The following NTN1 variants were observed in gnomAD, a reference collection of about 807,000 sequenced individuals.
NTN1 encodes netrin 1.
A neutral mutation model predicts 54.2 loss-of-function variants in NTN1; 11 were observed. The ratio of observed to expected loss-of-function variants is 0.20; its 90% CI spans 0.13 to 0.34. NTN1 has a LOEUF of 0.34. Ranked by LOEUF, NTN1 falls within the 10% of genes least tolerant of loss-of-function variation. The probability of loss-of-function intolerance (pLI) is 1.00; values close to 1 mark genes in which losing one functional copy is unlikely to be tolerated. For missense variants in NTN1, 740 were observed against 893.1 expected (o/e 0.83, Z 2.18); for synonymous variants, 371 against 382.0 (o/e 0.97, Z 0.33).
At chr17:9,028,868 T>C (rs766752566) in intron 2 of NTN1, among the ~76,000 whole-genome samples, 3 of 152,220 alleles carry the variant, frequency 2.0e-5, no homozygotes, top group Non-Finnish European at 4.4e-5. Flanking sequence ...AATGGCTCTC[T>C]AGGGAACTGG....
At chr17:9,204,932 T>C (rs1326227881) in intron 5 of NTN1, among the ~76,000 whole-genome samples, 1 of 151,860 alleles carries the variant, frequency 6.6e-6, no homozygotes, top group Non-Finnish European at 1.5e-5. Flanking sequence ...ACCCTCATTT[T>C]TTTTTTTTTC....
At chr17:9,098,027 A>G (rs182831879) in intron 2 of NTN1, among the ~76,000 whole-genome samples, 1 of 152,134 alleles carries the variant, frequency 6.6e-6, no homozygotes, top group Admixed American at 6.6e-5. Flanking sequence ...TAGGTTCTGA[A>G]TGAAGATCAG....
intron 6 of NTN1, among the ~76,000 whole-genome samples, chr17:9,226,136 C>T (rs1004762897): frequency 2.4e-5 from 3 of 127,456 alleles, no homozygotes; most frequent in African/African-American, 6.1e-5. Flanking sequence ...CTTAAGGGCA[C>T]GAAGCAAGGC....
chr17:9,056,699 A>G (rs1398843842), intron 2 of NTN1, among the ~76,000 whole-genome samples: 3 of 152,148 alleles, frequency 2.0e-5, no homozygotes, highest in African/African-American at 7.2e-5. Context: ...AGCACCGTCC[A>G]GAATGAGGCC....
Position 9,239,459 on chromosome 17 carries a change from C to A in NTN1, c.1487-181C>A, listed in dbSNP as rs566788673. On this transcript the variant is annotated intron_variant, in intron 6 of 6. Coordinates refer to ENST00000173229, the MANE Select transcript of NTN1 (RefSeq NM_004822.3). The surrounding 1 kb of genome is among the most constrained non-coding windows in gnomAD (Gnocchi z 5.2). Reference sequence around the variant, plus strand: ...CAGCGTGGGAGGCAAGGCTTCTTGGCCCTGTTGTTAGCAGGTGGGGGTCTA... The same window carrying A: ...CAGCGTGGGAGGCAAGGCTTCTTGGACCTGTTGTTAGCAGGTGGGGGTCTA... 5.9e-5 allele frequency among the ~76,000 whole-genome samples: 9 copies of A among 152,166 alleles called. No individual in the cohort carries two copies. The highest frequency in any genetic ancestry group is 1.3e-4 in the Admixed American group (2 of 15,282).
intron 2 of NTN1, among the ~76,000 whole-genome samples, chr17:9,026,192 C>T (rs932139006): frequency 6.6e-6 from 1 of 152,046 alleles, no homozygotes; most frequent in Non-Finnish European, 1.5e-5. Context: ...TACCAATTTA[C>T]CAATATTATC....
chr17:9,198,918 G>A (rs1421344410), intron 5 of NTN1, among the ~76,000 whole-genome samples: 1 of 152,158 alleles, frequency 6.6e-6, no homozygotes, highest in Non-Finnish European at 1.5e-5. Context: ...AGGCACCATT[G>A]AGCTCCATTC....
the NTN1 span, among the ~76,000 whole-genome samples, chr17:9,007,688 CT>C: frequency 4.2e-5 from 6 of 141,724 alleles, no homozygotes; most frequent in East Asian, 1.2e-3. Flanking sequence ...TCCTTTCTTC[CT>C]TCCTTCCTTT....
intron 2 of NTN1, among the ~76,000 whole-genome samples, chr17:9,133,871 A>G (rs1379749765): frequency 8.3e-6 from 1 of 120,110 alleles, no homozygotes; most frequent in African/African-American, 3.3e-5. Context: ...AAGTGCTGAG[A>G]TTACAGGCAT....
chr17:9,127,986 A>ATG (rs2092252892), intron 2 of NTN1, among the ~76,000 whole-genome samples: 1 of 150,566 alleles, frequency 6.6e-6, no homozygotes, highest in Non-Finnish European at 1.5e-5. Context: ...GCATGGTGGC[A>ATG]CACGCCTGTA....
chr17:9,236,967 T>C (rs1906012096), intron 6 of NTN1, among the ~76,000 whole-genome samples: 1 of 152,156 alleles, frequency 6.6e-6, no homozygotes, highest in Non-Finnish European at 1.5e-5. Flanking sequence ...GGGAGGCCTC[T>C]GCAGGAAGTC....
At chr17:9,090,293 A>G (rs947126491) in intron 2 of NTN1, among the ~76,000 whole-genome samples, 6 of 151,404 alleles carry the variant, frequency 4.0e-5, no homozygotes, top group Admixed American at 1.3e-4. Context: ...GTCTTGCCTC[A>G]GCCTCCCAAG....
chr17:9,108,294 G>A (rs2092175088), intron 2 of NTN1, among the ~76,000 whole-genome samples: 1 of 152,186 alleles, frequency 6.6e-6, no homozygotes, highest in African/African-American at 2.4e-5. Flanking sequence ...CGGTGGGGAT[G>A]TTATCATGCA....
chr17:9,114,296 G>T (rs1252964977), intron 2 of NTN1, among the ~76,000 whole-genome samples: 1 of 150,192 alleles, frequency 6.7e-6, no homozygotes, highest in Non-Finnish European at 1.5e-5. Context: ...TAAAAAATGT[G>T]CATATGCTTA....
At chr17:9,140,575 A>G (rs868656322) in intron 2 of NTN1, among the ~76,000 whole-genome samples, 2 of 152,122 alleles carry the variant, frequency 1.3e-5, no homozygotes, top group Admixed American at 6.6e-5. Context: ...AGCTTGTGGG[A>G]CTCAGGAGGC....
At chr17:9,100,941 AG>A (rs1422431487) in intron 2 of NTN1, among the ~76,000 whole-genome samples, 1 of 152,002 alleles carries the variant, frequency 6.6e-6, no homozygotes, top group African/African-American at 2.4e-5. Flanking sequence ...CCCTTCCTGG[AG>A]GGCCTTCCCT....
At chr17:9,097,882 G>T (rs1001414616) in intron 2 of NTN1, among the ~76,000 whole-genome samples, 2 of 152,032 alleles carry the variant, frequency 1.3e-5, no homozygotes, top group South Asian at 2.1e-4. Flanking sequence ...TGTTCCAGCT[G>T]CAGTGAACAT....
At chr17:9,235,982 C>T (rs552432448) in intron 6 of NTN1, among the ~76,000 whole-genome samples, 4 of 152,078 alleles carry the variant, frequency 2.6e-5, no homozygotes, top group East Asian at 1.9e-4. Flanking sequence ...GGATTACAGG[C>T]GTGAGCCACC....
chr17:9,129,186 C>T (rs555933509), intron 2 of NTN1, among the ~76,000 whole-genome samples: 4 of 152,238 alleles, frequency 2.6e-5, no homozygotes, highest in East Asian at 1.9e-4. Flanking sequence ...CTCAAGCCAG[C>T]GTGGGACTGG....
Sources: allele counts gnomAD v4.1 joint callset (sites outside exome capture counted in the v4.1 genomes callset), GRCh38; gene constraint gnomAD v4.1.1; non-coding constraint Gnocchi (gnomAD v3.1); transcripts MANE v1.5; gene names NCBI Gene and HGNC (gene_info 2026-07-23, HGNC 2026-07-21).